SPAG16: variants seen among roughly 807,000 people sequenced by gnomAD.
SPAG16 encodes the protein sperm associated antigen 16, also known as sperm-associated antigen 16 protein.
A neutral mutation model predicts 80.4 loss-of-function variants in SPAG16; 86 were observed. That is an observed-to-expected ratio of 1.07 (90% CI 0.90 to 1.28). The LOEUF is 1.28. Among genes scored for constraint, SPAG16 ranks in the 50% most tolerant of loss-of-function variants. The pLI, the probability that SPAG16 is intolerant of heterozygous loss-of-function variation, is 0.00. For missense variants in SPAG16, 870 were observed against 765.3 expected (o/e 1.14, Z -1.61); for synonymous variants, 294 against 265.9 (o/e 1.11, Z -1.03).
At chr2:213,575,060 C>T (rs954835838) in intron 10 of SPAG16, among the ~76,000 whole-genome samples, 10 of 152,062 alleles carry the variant, frequency 6.6e-5, no homozygotes, top group Admixed American at 4.6e-4. Flanking sequence ...CTTTTTCTTG[C>T]TTCTCCCACA....
chr2:214,018,744 C>A (rs181977937), intron 13 of SPAG16, among the ~76,000 whole-genome samples: 5 of 152,104 alleles, frequency 3.3e-5, no homozygotes, highest in Non-Finnish European at 7.4e-5. Flanking sequence ...TATTGAGACA[C>A]CCTCTGAAAT....
chr2:214,387,401 A>C (rs4276028), intron 15 of SPAG16, among the ~76,000 whole-genome samples: 132,308 of 152,162 alleles, frequency 0.87, 57,621 homozygotes, highest in Middle Eastern at 0.9. Context: ...TCAGTATATA[A>C]CTGTTGAGGG....
intron 10 of SPAG16, among the ~76,000 whole-genome samples, chr2:213,857,930 G>A (rs1458528544): frequency 2.0e-5 from 3 of 152,144 alleles, no homozygotes; most frequent in Non-Finnish European, 4.4e-5. Context: ...CTTCCCTGGA[G>A]GAAGTCACAT....
chr2:214,331,489 A>G (rs6728177), intron 15 of SPAG16, among the ~76,000 whole-genome samples: 48,706 of 152,100 alleles, frequency 0.32, 12,253 homozygotes, highest in African/African-American at 0.7. Context: ...AAAGTTACAG[A>G]GACAGAAAGG....
chr2:214,004,975 A>G (rs900104438), intron 12 of SPAG16, among the ~76,000 whole-genome samples: 1 of 152,196 alleles, frequency 6.6e-6, no homozygotes, highest in Admixed American at 6.5e-5. Context: ...TTGTTATTTA[A>G]TTATGTAAAT....
In SPAG16 at chr2:213,976,135, T is replaced by TATATATATATACACAC. The variant is rs749957411; in HGVS notation, c.1401-37815_1401-37814insTATATATATACACACA. 3.8e-4 allele frequency among the ~76,000 whole-genome samples: 31 copies of TATATATATATACACAC among 81,402 alleles called. No homozygotes were observed. In the South Asian group the frequency reaches 5.5e-3, roughly 14 times the overall value. The allele number at this position is 81,402 out of a possible 152,430, so 53.4% of individuals were successfully genotyped here. A position where few individuals can be genotyped will look rare whatever the true frequency, so the allele number is the denominator to read the frequency against. On this transcript the variant is annotated intron_variant, in intron 12 of 15. Transcript: ENST00000331683. ...ATATATATATATATATATATATATA[T>TATATATATATACACAC]ACACACACACACACACACACGTATG...
chr2:213,570,932 G>A (rs2059896793), intron 10 of SPAG16, among the ~76,000 whole-genome samples: 1 of 33,890 alleles, frequency 3.0e-5, no homozygotes. Context: ...TGTATTGGGT[G>A]CATAAATATT....
intron 15 of SPAG16, among the ~76,000 whole-genome samples, chr2:214,389,552 A>G (rs1559264802): frequency 6.6e-6 from 1 of 152,236 alleles, no homozygotes; most frequent in Admixed American, 6.5e-5. Flanking sequence ...GGCCTCTTTG[A>G]CAGATTTTAA....
At chr2:213,295,620 A>G (rs1553618042) in intron 1 of SPAG16, among the ~76,000 whole-genome samples, 3 of 152,146 alleles carry the variant, frequency 2.0e-5, no homozygotes, top group Non-Finnish European at 4.4e-5. Flanking sequence ...TAAACCAAAT[A>G]AAGTCACATT....
intron 9 of SPAG16, among the ~76,000 whole-genome samples, chr2:213,384,698 A>G (rs1315300779): frequency 1.3e-5 from 2 of 152,168 alleles, no homozygotes; most frequent in Non-Finnish European, 2.9e-5. Flanking sequence ...CTGTGTGTGA[A>G]AACTGGCTAA....
At chr2:213,828,004 A>G (rs1019745538) in intron 10 of SPAG16, among the ~76,000 whole-genome samples, 3 of 151,974 alleles carry the variant, frequency 2.0e-5, no homozygotes, top group Non-Finnish European at 4.4e-5. Flanking sequence ...TTTGGGTTAA[A>G]TCTCCTTGGT....
chr2:213,510,671 G>C (rs1175281760), intron 10 of SPAG16, among the ~76,000 whole-genome samples: 3 of 152,132 alleles, frequency 2.0e-5, no homozygotes, highest in Non-Finnish European at 4.4e-5. Flanking sequence ...TGCAACCTTT[G>C]TATTGATAAC....
At position 214,013,931 on chromosome 2, in the gene SPAG16, C is replaced by A. The variant is rs752143142; in HGVS notation, c.1401-20C>A. The stretch of plus-strand genomic sequence containing the variant: ...AGCATAGATACTAACTCCTAAAATT[C>A]TTAATTTCTCTCTTTATAGTGAAAG... On this transcript the variant is annotated intron_variant, in intron 12 of 15. Transcript: ENST00000331683. The A allele has an allele frequency of 5.0e-6, 8 of 1,610,072 alleles. No individual in the cohort carries two copies. In the Admixed American group the frequency reaches 1.2e-4, roughly 24 times the overall value.
At chr2:213,318,326 A>G (rs1044775720) in intron 5 of SPAG16, among the ~76,000 whole-genome samples, 1 of 152,120 alleles carries the variant, frequency 6.6e-6, no homozygotes, top group African/African-American at 2.4e-5. Flanking sequence ...AGCCATAAAA[A>G]TGAATGAAAT....
intron 11 of SPAG16, among the ~76,000 whole-genome samples, chr2:213,925,405 G>A (rs1384726166): frequency 2.0e-5 from 3 of 149,650 alleles, no homozygotes; most frequent in South Asian, 4.2e-4. Context: ...AGGCTGGAGT[G>A]CAGTGTCACA....
chr2:213,323,738 A>C (rs555247888), intron 5 of SPAG16, among the ~76,000 whole-genome samples: 1 of 152,342 alleles, frequency 6.6e-6, no homozygotes, highest in South Asian at 2.1e-4. Context: ...ATGTTCATTG[A>C]CAGATGAATG....
At chr2:213,629,551 C>T (rs146210854) in intron 10 of SPAG16, among the ~76,000 whole-genome samples, 5 of 152,210 alleles carry the variant, frequency 3.3e-5, no homozygotes, top group African/African-American at 7.2e-5. Context: ...TCAATTGCTG[C>T]GAAGAGTCAA....
At chr2:214,017,957 T>A (rs2047672369) in intron 13 of SPAG16, among the ~76,000 whole-genome samples, 1 of 152,096 alleles carries the variant, frequency 6.6e-6, no homozygotes, top group Admixed American at 6.6e-5. Flanking sequence ...CCTAAATGTA[T>A]CATAAATGCA....
chr2:213,614,491 C>G (rs2061533829), intron 10 of SPAG16, among the ~76,000 whole-genome samples: 1 of 152,134 alleles, frequency 6.6e-6, no homozygotes, highest in African/African-American at 2.4e-5. Context: ...TGGCTTATTG[C>G]AGATACCTGG....
Sources: allele counts gnomAD v4.1 joint callset (sites outside exome capture counted in the v4.1 genomes callset), GRCh38; gene constraint gnomAD v4.1.1; transcripts MANE v1.5; gene names NCBI Gene and HGNC (gene_info 2026-07-23, HGNC 2026-07-21).